The following NREP variants were observed in gnomAD, a reference collection of about 807,000 sequenced individuals.
NREP encodes the protein neuronal regeneration-related protein.
Under a neutral mutation model 8.6 loss-of-function variants are expected in NREP, and 5 were observed. That is an observed-to-expected ratio of 0.58 (90% CI 0.30 to 1.22). NREP has a LOEUF of 1.22. Ranked by LOEUF, NREP falls within the 50% of genes most tolerant of loss-of-function variation. The pLI is 0.07. For missense variants in NREP, 86 were observed against 82.5 expected (o/e 1.04, Z -0.17); for synonymous variants, 27 against 28.0 (o/e 0.96, Z 0.11).
intron 2 of NREP, among the ~76,000 whole-genome samples, chr5:111,960,154 T>A (rs1023375435): frequency 6.6e-6 from 1 of 152,174 alleles, no homozygotes; most frequent in African/African-American, 2.4e-5. Flanking sequence ...TGTTGATTCT[T>A]AACACTGGCT....
chr5:111,966,847 C>T (rs964354819), intron 2 of NREP, among the ~76,000 whole-genome samples: 17 of 152,038 alleles, frequency 1.1e-4, no homozygotes, highest in Non-Finnish European at 1.0e-4. Flanking sequence ...GTAAGGGAAC[C>T]AAGATCATAA....
At chr5:111,917,747 A>G (rs1379084212) in intron 2 of NREP, among the ~76,000 whole-genome samples, 3 of 152,330 alleles carry the variant, frequency 2.0e-5, no homozygotes, top group Admixed American at 6.5e-5. Context: ...CCCACAGCCA[A>G]TATCGTACTG....
intron 2 of NREP, among the ~76,000 whole-genome samples, chr5:111,885,775 A>G (rs539473560): frequency 2.6e-5 from 4 of 152,338 alleles, no homozygotes; most frequent in Non-Finnish European, 5.9e-5. Flanking sequence ...CCATATGTAG[A>G]AAGCTGAAAC....
At chr5:111,843,570 G>A (rs539052186) in intron 2 of NREP, among the ~76,000 whole-genome samples, 2 of 151,778 alleles carry the variant, frequency 1.3e-5, no homozygotes, top group South Asian at 4.2e-4. Context: ...CAGTTACCGG[G>A]GCTTTATTTT....
At chr5:111,906,327 AT>A (rs35575087) in intron 2 of NREP, among the ~76,000 whole-genome samples, 60,980 of 151,726 alleles carry the variant, frequency 0.4, 14,609 homozygotes, top group Non-Finnish European at 0.55. Flanking sequence ...AAAAAGATAA[AT>A]TTTTTTTGGA....
chr5:111,883,167 G>T (rs1290727665), intron 2 of NREP, among the ~76,000 whole-genome samples: 1 of 152,178 alleles, frequency 6.6e-6, no homozygotes, highest in South Asian at 2.1e-4. Context: ...AAAAGGCAGG[G>T]GTTGCAATGC....
At chr5:111,825,744 C>CA (rs1323718244) in intron 2 of NREP, among the ~76,000 whole-genome samples, 5 of 152,138 alleles carry the variant, frequency 3.3e-5, no homozygotes, top group African/African-American at 1.2e-4. Flanking sequence ...GGTATAAACA[C>CA]AACTATCTAC....
At chr5:111,964,744 C>G (rs998747882) in intron 2 of NREP, among the ~76,000 whole-genome samples, 1 of 151,362 alleles carries the variant, frequency 6.6e-6, no homozygotes, top group Admixed American at 6.6e-5. Context: ...CATTCTTAAA[C>G]ATGCCTTCCA....
chr5:111,868,726 T>C lies in NREP; in HGVS notation c.135+106548A>G, dbSNP rs970523574. 3.3e-4 allele frequency among the ~76,000 whole-genome samples: 50 copies of C among 152,214 alleles called. 1 individual carries two copies. The highest frequency in any genetic ancestry group is 1.2e-4 in the Non-Finnish European group (8 of 68,034). On this transcript the variant is annotated intron_variant, in intron 2 of 3. Coordinates refer to the NREP transcript ENST00000395634. ...TGGAACTTGAACTTGCCTCTTCTATTACAGAACTGCCTCTGCAGATAGGTT... is the reference window on the plus strand; with the variant it reads ...TGGAACTTGAACTTGCCTCTTCTATCACAGAACTGCCTCTGCAGATAGGTT...
chr5:111,750,737 G>C (rs1266338904), intron 2 of NREP, among the ~76,000 whole-genome samples: 1 of 152,178 alleles, frequency 6.6e-6, no homozygotes, highest in Non-Finnish European at 1.5e-5. Context: ...CCAATACTGG[G>C]AGTAAAGCTC....
At chr5:111,882,926 C>A (rs1754127949) in intron 2 of NREP, among the ~76,000 whole-genome samples, 1 of 152,290 alleles carries the variant, frequency 6.6e-6, no homozygotes, top group African/African-American at 2.4e-5. Flanking sequence ...AACTAATGAG[C>A]AAAATAACCA....
At chr5:111,914,854 A>G (rs1369150741) in intron 2 of NREP, among the ~76,000 whole-genome samples, 1 of 152,150 alleles carries the variant, frequency 6.6e-6, no homozygotes, top group Non-Finnish European at 1.5e-5. Flanking sequence ...ATGCAATTTT[A>G]TCTGATATGA....
intron 1 of NREP, among the ~76,000 whole-genome samples, chr5:111,756,524 T>TA (rs962283922): frequency 2.0e-5 from 3 of 152,176 alleles, no homozygotes; most frequent in Admixed American, 1.3e-4. Context: ...CATTCGCTCT[T>TA]AGAGTTTTCC....
intron 2 of NREP, among the ~76,000 whole-genome samples, chr5:111,883,953 A>T (rs1335997458): frequency 6.6e-6 from 1 of 152,162 alleles, no homozygotes; most frequent in African/African-American, 2.4e-5. Context: ...AGCTAGCAGA[A>T]GGCAAGAAAT....
At chr5:111,805,081 A>G (rs1016428594) in intron 2 of NREP, among the ~76,000 whole-genome samples, 2 of 152,176 alleles carry the variant, frequency 1.3e-5, no homozygotes, top group African/African-American at 4.8e-5. Flanking sequence ...AGACGTCTAC[A>G]AAAAGCTCTC....
intron 2 of NREP, among the ~76,000 whole-genome samples, chr5:111,821,460 A>G (rs947269859): frequency 1.3e-5 from 2 of 152,210 alleles, no homozygotes; most frequent in African/African-American, 4.8e-5. Flanking sequence ...ATAAATAGAT[A>G]TAATGGAATC....
intron 2 of NREP, among the ~76,000 whole-genome samples, chr5:111,925,282 G>A (rs563123092): frequency 6.6e-6 from 1 of 152,162 alleles, no homozygotes; most frequent in Admixed American, 6.5e-5. Flanking sequence ...CTCCGTCTCT[G>A]CAGGCAGTCC....
At chr5:111,871,353 A>G (rs1005645575) in intron 2 of NREP, among the ~76,000 whole-genome samples, 8 of 152,138 alleles carry the variant, frequency 5.3e-5, no homozygotes, top group Non-Finnish European at 1.2e-4. Context: ...GATTTAAAAA[A>G]TTGTATACTT....
At chr5:111,924,276 A>G (rs1466219401) in intron 2 of NREP, among the ~76,000 whole-genome samples, 1 of 152,138 alleles carries the variant, frequency 6.6e-6, no homozygotes, top group Non-Finnish European at 1.5e-5. Flanking sequence ...TAGCATCTAC[A>G]TACTGTAGGA....
Sources: allele counts gnomAD v4.1 joint callset (sites outside exome capture counted in the v4.1 genomes callset), GRCh38; gene constraint gnomAD v4.1.1; transcripts MANE v1.5; gene names NCBI Gene and HGNC (gene_info 2026-07-23, HGNC 2026-07-21).